The following PTPRT variants were observed in gnomAD, a reference collection of about 807,000 sequenced individuals.
PTPRT encodes receptor-type tyrosine-protein phosphatase T.
Under a neutral mutation model 176.8 loss-of-function variants are expected in PTPRT, and 56 were observed. The ratio of observed to expected loss-of-function variants is 0.32; its 90% CI spans 0.26 to 0.40. The LOEUF is 0.40. Ranked by LOEUF, PTPRT falls within the 10% of genes least tolerant of loss-of-function variation. The probability of loss-of-function intolerance (pLI) is 1.00; values close to 1 mark genes in which losing one functional copy is unlikely to be tolerated. For missense variants in PTPRT, 1,540 were observed against 1,908.2 expected (o/e 0.81, Z 3.60); for synonymous variants, 783 against 739.0 (o/e 1.06, Z -0.96).
Position 42,210,592 on chromosome 20 carries a change from T to C in PTPRT, c.2343-11204A>G, listed in dbSNP as rs541684308. ...ACCTAGGAATCCAACTTACAAGGGA[T>C]GTGAAGGACCTCTTCAAGGAGAACT... On this transcript the variant is annotated intron_variant, in intron 15 of 30. Transcript: ENST00000373187. 2.6e-5 allele frequency among the ~76,000 whole-genome samples: 4 copies of C among 151,730 alleles called. No homozygotes were observed. The East Asian group carries it at 7.7e-4, about 29-fold the overall frequency.
chr20:42,781,092 T>C (rs2077208704), intron 3 of PTPRT, among the ~76,000 whole-genome samples: 1 of 152,126 alleles, frequency 6.6e-6, no homozygotes. Context: ...GACAGTCTCA[T>C]CCCAGTTGAC....
chr20:43,151,260 C>T lies in PTPRT; in HGVS notation c.88+38386G>A, dbSNP rs562589741. On this transcript the variant is annotated intron_variant, in intron 1 of 30. Transcript: ENST00000373187. ...GGCGGAGGTTGCGGTGAGCTGAGAT[C>T]GTGCCATTGCACATTGCACTCCAAC... Among the ~76,000 whole-genome samples, 8 of 146,902 alleles carry T rather than the reference C, an allele frequency of 5.4e-5. No individual in the cohort carries two copies. The East Asian group carries it at 8.4e-4, about 15-fold the overall frequency.
chr20:42,267,088 A>G (rs2056851497), intron 13 of PTPRT, among the ~76,000 whole-genome samples: 1 of 152,218 alleles, frequency 6.6e-6, no homozygotes, highest in South Asian at 2.1e-4. Context: ...TTGACTTTAC[A>G]ATGCTGCTGA....
At chr20:42,549,217 T>A (rs2072726087) in intron 7 of PTPRT, among the ~76,000 whole-genome samples, 2 of 151,810 alleles carry the variant, frequency 1.3e-5, no homozygotes, top group South Asian at 4.2e-4. Flanking sequence ...ATAACAAAAG[T>A]GTAGACTATG....
At chr20:42,698,729 C>T (rs1345279199) in intron 6 of PTPRT, among the ~76,000 whole-genome samples, 3 of 152,146 alleles carry the variant, frequency 2.0e-5, no homozygotes, top group Admixed American at 6.5e-5. Context: ...CCAAAGATTT[C>T]CTGAACACTC....
intron 6 of PTPRT, among the ~76,000 whole-genome samples, chr20:42,722,374 A>G (rs1441928119): frequency 1.3e-5 from 2 of 152,154 alleles, no homozygotes; most frequent in African/African-American, 2.4e-5. Context: ...AATGGCCTCT[A>G]TGTGACTAAA....
At chr20:42,239,839 T>A (rs1419850884) in intron 14 of PTPRT, among the ~76,000 whole-genome samples, 1 of 152,072 alleles carries the variant, frequency 6.6e-6, no homozygotes, top group East Asian at 1.9e-4. Flanking sequence ...TCTCTTTCAA[T>A]CCTCCCCACA....
chr20:42,140,966 G>A (rs1988594798), intron 18 of PTPRT, among the ~76,000 whole-genome samples: 1 of 152,290 alleles, frequency 6.6e-6, no homozygotes, highest in Non-Finnish European at 1.5e-5. Flanking sequence ...CAGAGGTCAA[G>A]TAACTTTCCC....
At chr20:42,607,866 G>T (rs1484261876) in intron 7 of PTPRT, among the ~76,000 whole-genome samples, 1 of 152,108 alleles carries the variant, frequency 6.6e-6, no homozygotes, top group Non-Finnish European at 1.5e-5. Context: ...GGGTCTCACA[G>T]TGCCCACAGC....
intron 7 of PTPRT, among the ~76,000 whole-genome samples, chr20:42,644,565 G>C (rs1420062796): frequency 6.6e-6 from 1 of 152,072 alleles, no homozygotes; most frequent in Admixed American, 6.5e-5. Flanking sequence ...GGGGCTATAG[G>C]ATGCAATGAA....
intron 8 of PTPRT, among the ~76,000 whole-genome samples, chr20:42,457,247 A>C: frequency 6.6e-6 from 1 of 152,338 alleles, no homozygotes; most frequent in Middle Eastern, 3.4e-3. Context: ...CATCAAATAA[A>C]TAAGAATAAT....
chr20:43,017,824 G>A (rs759343593), intron 1 of PTPRT, among the ~76,000 whole-genome samples: 2 of 152,196 alleles, frequency 1.3e-5, no homozygotes, highest in African/African-American at 2.4e-5. Flanking sequence ...GAAGTCACAC[G>A]CCATGGATAG....
At chr20:42,305,825 T>C (rs1274593048) in intron 12 of PTPRT, among the ~76,000 whole-genome samples, 1 of 152,210 alleles carries the variant, frequency 6.6e-6, no homozygotes, top group Non-Finnish European at 1.5e-5. Flanking sequence ...AAGCCAGTTC[T>C]AAAACCCATG....
chr20:43,099,172 G>A (rs752676833), intron 1 of PTPRT, among the ~76,000 whole-genome samples: 1 of 151,722 alleles, frequency 6.6e-6, no homozygotes. Context: ...CATGAGCAGG[G>A]GAATACGATT....
chr20:42,086,783 C>G (rs961865914), intron 27 of PTPRT, among the ~76,000 whole-genome samples: 1 of 124,344 alleles, frequency 8.0e-6, no homozygotes, highest in East Asian at 2.5e-4. Flanking sequence ...TGACCTCAGG[C>G]GGCCTTGGGT....
At chr20:42,681,097 G>A (rs1208764474) in intron 6 of PTPRT, among the ~76,000 whole-genome samples, 1 of 152,186 alleles carries the variant, frequency 6.6e-6, no homozygotes, top group East Asian at 1.9e-4. Context: ...GGTTCAAAGA[G>A]AGAGAAGCAA....
chr20:42,042,872 C>A, the PTPRT span, among the ~76,000 whole-genome samples: 85,950 of 152,132 alleles, frequency 0.56, 24,642 homozygotes, highest in Middle Eastern at 0.68. Flanking sequence ...GGTATTGGAT[C>A]CCTCCATGGG....
chr20:43,180,459 TA>T (rs2146480325), intron 1 of PTPRT, among the ~76,000 whole-genome samples: 2 of 101,082 alleles, frequency 2.0e-5, no homozygotes, highest in South Asian at 7.4e-4. Flanking sequence ...TATATATATA[TA>T]TACACCCACA....
chr20:42,572,513 G>A (rs1033881850), intron 7 of PTPRT, among the ~76,000 whole-genome samples: 2 of 151,964 alleles, frequency 1.3e-5, no homozygotes, highest in Non-Finnish European at 2.9e-5. Flanking sequence ...TGCCTGGAAT[G>A]CTCTCCTCAC....
Sources: allele counts gnomAD v4.1 joint callset (sites outside exome capture counted in the v4.1 genomes callset), GRCh38; gene constraint gnomAD v4.1.1; transcripts MANE v1.5; gene names NCBI Gene and HGNC (gene_info 2026-07-23, HGNC 2026-07-21).